The following GABRB1 variants were observed in gnomAD, a reference collection of about 807,000 sequenced individuals.
The protein encoded by GABRB1 is gamma-aminobutyric acid receptor subunit beta-1.
In GABRB1, 17 loss-of-function variants were observed where a neutral mutation model predicts 51.6. That is an observed-to-expected ratio of 0.33 (90% CI 0.23 to 0.49). The LOEUF is 0.49. Ranked by LOEUF, GABRB1 falls within the 20% of genes least tolerant of loss-of-function variation. The pLI, the probability that GABRB1 is intolerant of heterozygous loss-of-function variation, is 0.99. For synonymous variants in GABRB1, 247 were observed against 218.9 expected (o/e 1.13, Z -1.14); for missense variants, 410 against 600.6 (o/e 0.68, Z 3.32).
At chr4:47,090,602 G>T (rs1459961950) in intron 3 of GABRB1, among the ~76,000 whole-genome samples, 2 of 152,152 alleles carry the variant, frequency 1.3e-5, no homozygotes, top group Non-Finnish European at 2.9e-5. Context: ...AAGAATTAAA[G>T]CCAGGGATCT....
At chr4:47,417,215 A>G (rs1728955363) in intron 8 of GABRB1, among the ~76,000 whole-genome samples, 1 of 152,158 alleles carries the variant, frequency 6.6e-6, no homozygotes, top group African/African-American at 2.4e-5. Flanking sequence ...ATACCTTCTC[A>G]GCAACATCTA....
At chr4:47,007,866 G>GTATATATACATATATATATATATATA (rs1724453634) in intron 1 of GABRB1, among the ~76,000 whole-genome samples, 2 of 49,970 alleles carry the variant, frequency 4.0e-5, no homozygotes, top group Non-Finnish European at 8.2e-5. Context: ...CTTGGAACTG[G>GTATATATACATATATATATATATATA]TATATATATA....
intron 8 of GABRB1, among the ~76,000 whole-genome samples, chr4:47,418,362 A>T (rs1728993130): frequency 6.6e-6 from 1 of 152,198 alleles, no homozygotes; most frequent in Non-Finnish European, 1.5e-5. Flanking sequence ...GGCTTGCTGG[A>T]AACTTGGCCA....
intron 4 of GABRB1, among the ~76,000 whole-genome samples, chr4:47,294,001 T>A (rs754760614): frequency 3.9e-5 from 6 of 152,216 alleles, no homozygotes; most frequent in African/African-American, 1.4e-4. Context: ...TTCATTAACA[T>A]GCCCCAAAGC....
In GABRB1 at chr4:47,406,665, G is replaced by T; in HGVS notation, c.836-17G>T. The stretch of plus-strand genomic sequence containing the variant: ...ATAGTGGCACCTTCAGCTAAGTGTT[G>T]TCTTTCTCTTTCACAGGAATCACGA... On this transcript the variant is annotated splice_polypyrimidine_tract_variant and intron_variant, in intron 7 of 8. Coordinates refer to ENST00000295454, the MANE Select transcript of GABRB1 (RefSeq NM_000812.4). 1 of 1,613,886 alleles carries T rather than the reference G, an allele frequency of 6.2e-7. No homozygotes were observed. The highest frequency in any genetic ancestry group is 1.1e-5 in the South Asian group (1 of 91,062).
chr4:47,195,420 A>G (rs1236960562), intron 4 of GABRB1, among the ~76,000 whole-genome samples: 1 of 116,438 alleles, frequency 8.6e-6, no homozygotes, highest in African/African-American at 3.6e-5. Flanking sequence ...AGATAGATAG[A>G]TAGATAGATA....
intron 3 of GABRB1, among the ~76,000 whole-genome samples, chr4:47,039,675 A>G (rs903707019): frequency 2.0e-5 from 3 of 152,200 alleles, no homozygotes; most frequent in Non-Finnish European, 4.4e-5. Flanking sequence ...AGAAAAGAAT[A>G]GTAGTTAGCA....
intron 4 of GABRB1, among the ~76,000 whole-genome samples, chr4:47,172,791 G>A (rs181684051): frequency 2.2e-4 from 33 of 151,922 alleles, no homozygotes; most frequent in Admixed American, 7.2e-4. Flanking sequence ...ACAGGCATGC[G>A]CCACCATGCT....
intron 5 of GABRB1, among the ~76,000 whole-genome samples, chr4:47,327,383 A>G (rs1402399340): frequency 6.6e-6 from 1 of 152,012 alleles, no homozygotes; most frequent in African/African-American, 2.4e-5. Flanking sequence ...AAAAAAAACT[A>G]TTTCAAAAAT....
chr4:47,355,442 T>C (rs1355786019), intron 5 of GABRB1, among the ~76,000 whole-genome samples: 1 of 152,194 alleles, frequency 6.6e-6, no homozygotes, highest in Admixed American at 6.5e-5. Context: ...ACCTTGATCA[T>C]ATCCTTTCAG....
chr4:47,336,150 C>T (rs1185622257), intron 5 of GABRB1, among the ~76,000 whole-genome samples: 1 of 152,112 alleles, frequency 6.6e-6, no homozygotes, highest in African/African-American at 2.4e-5. Context: ...ATCAATTAGA[C>T]ATTTAAGTGG....
intron 3 of GABRB1, among the ~76,000 whole-genome samples, chr4:47,065,381 C>T (rs1284452055): frequency 6.6e-6 from 1 of 152,228 alleles, no homozygotes; most frequent in Non-Finnish European, 1.5e-5. Context: ...TGGAAAACTG[C>T]CTCCTTGTTG....
chr4:47,264,040 G>A (rs111410818), intron 4 of GABRB1, among the ~76,000 whole-genome samples: 175 of 152,120 alleles, frequency 1.2e-3, no homozygotes, highest in African/African-American at 3.9e-3. Flanking sequence ...TACTCAGGAG[G>A]CAGAGCTGGG....
chr4:47,020,382 T>G (rs1306527257), intron 1 of GABRB1, among the ~76,000 whole-genome samples: 1 of 152,158 alleles, frequency 6.6e-6, no homozygotes, highest in South Asian at 2.1e-4. Context: ...CTTTCAAATG[T>G]ATACTTCCAA....
At chr4:47,231,275 A>G (rs1721133573) in intron 4 of GABRB1, among the ~76,000 whole-genome samples, 1 of 152,242 alleles carries the variant, frequency 6.6e-6, no homozygotes, top group African/African-American at 2.4e-5. Flanking sequence ...TTTCAAGAGA[A>G]TCATGGTTGT....
chr4:47,236,705 G>A (rs952922817), intron 4 of GABRB1, among the ~76,000 whole-genome samples: 1 of 152,104 alleles, frequency 6.6e-6, no homozygotes, highest in South Asian at 2.1e-4. Flanking sequence ...AGGCAGAAAG[G>A]GAGTAAGTTT....
chr4:47,101,631 G>A (rs964574116), intron 3 of GABRB1, among the ~76,000 whole-genome samples: 1 of 151,952 alleles, frequency 6.6e-6, no homozygotes, highest in African/African-American at 2.4e-5. Flanking sequence ...GATCATCCCT[G>A]CTGACTCCCA....
chr4:47,094,543 G>A (rs1180396564), intron 3 of GABRB1, among the ~76,000 whole-genome samples: 2 of 151,986 alleles, frequency 1.3e-5, no homozygotes, highest in Non-Finnish European at 2.9e-5. Context: ...ATTCTTACGT[G>A]TTAAGATTTA....
At chr4:47,182,370 A>G (rs1718987540) in intron 4 of GABRB1, among the ~76,000 whole-genome samples, 2 of 152,034 alleles carry the variant, frequency 1.3e-5, no homozygotes, top group South Asian at 4.1e-4. Flanking sequence ...CAGATTTTCA[A>G]CCAAAGAGTA....
Sources: gnomAD v4.1 joint callset for allele counts (sites outside exome capture counted in the v4.1 genomes callset) on GRCh38, gnomAD v4.1.1 for gene constraint, MANE v1.5 for transcripts, NCBI Gene and HGNC (gene_info 2026-07-23, HGNC 2026-07-21) for gene names.